The following EEF1G variants were observed in gnomAD, a reference collection of about 807,000 sequenced individuals.
EEF1G encodes the protein eukaryotic translation elongation factor 1 gamma.
A neutral mutation model predicts 58.3 loss-of-function variants in EEF1G; 14 were observed. That is an observed-to-expected ratio of 0.24 (90% CI 0.16 to 0.38). The LOEUF is 0.38. Among genes scored for constraint, EEF1G ranks in the 10% least tolerant of loss-of-function variants. The pLI is 1.00. For synonymous variants in EEF1G, 180 were observed against 206.8 expected (o/e 0.87, Z 1.11); for missense variants, 322 against 550.1 (o/e 0.59, Z 4.15).
intron 5 of EEF1G, among the ~76,000 whole-genome samples, chr11:62,568,357 C>G (rs1179433492): frequency 7.0e-6 from 1 of 143,334 alleles, no homozygotes; most frequent in Non-Finnish European, 1.5e-5. Flanking sequence ...CACTGCACTC[C>G]AGCTTGGGTG....
chr11:62,566,273 C>A (rs901117690), intron 7 of EEF1G, among the ~76,000 whole-genome samples: 1 of 152,134 alleles, frequency 6.6e-6, no homozygotes. Flanking sequence ...GGACTTTACT[C>A]GGTTGTGGAA....
chr11:62,567,610 T>C, intron 5 of EEF1G, 82 bp from the exon 6 acceptor site: 1 of 1,382,038 alleles, frequency 7.2e-7, no homozygotes, highest in Non-Finnish European at 9.6e-7. Flanking sequence ...TTGCTCTACC[T>C]AAGTCCCAGT....
intron 5 of EEF1G, among the ~76,000 whole-genome samples, chr11:62,568,598 A>G (rs921726496): frequency 4.0e-5 from 6 of 151,800 alleles, no homozygotes; most frequent in Non-Finnish European, 7.4e-5. Flanking sequence ...GCTTGGGTCC[A>G]TCCTCCATTT....
In EEF1G at chr11:62,562,280, G is replaced by A. The variant is rs151227831; in HGVS notation, c.858-1826C>T. Among the ~76,000 whole-genome samples, 21 of 152,246 alleles carry A rather than the reference G, an allele frequency of 1.4e-4. 1 individual carries two copies. The East Asian group carries it at 2.7e-3, about 20-fold the overall frequency. On this transcript the variant is annotated intron_variant, in intron 7 of 9. Transcript: ENST00000329251. ...TTAGTCAAGCCCCTTCCTCAGGGCC[G>A]AGAGATTTTTGAGCGTTAGCCGTCT...
At position 62,572,672 on chromosome 11, in the gene EEF1G, T is replaced by A; in HGVS notation, c.83A>T (p.Gln28Leu). 1 of 1,613,238 alleles carries A rather than the reference T, an allele frequency of 6.2e-7. No homozygotes were observed. Among genetic ancestry groups the A allele is most frequent in the Non-Finnish European group, 8.5e-7 (1 of 1,179,886 alleles). The change falls in exon 2 of 10, where the codon CAG (glutamine) becomes CTG (leucine). Residue 28 changes from glutamine (Q) to leucine (L), a missense_variant. This residue lies in a region of EEF1G where 62 missense variants were observed against 87.0 expected (regional missense o/e 0.71). Transcript: ENST00000329251. Reference protein sequence around the residue: ...ALIAAQYSGAQVRVLSAPPHF... With the variant: ...ALIAAQYSGALVRVLSAPPHF... ...GGGTGGTGCGGAGAGCACGCGGACCTGAGCCCCGCTGTACTGAGCAGCGAT... is the reference window on the plus strand; with the variant it reads ...GGGTGGTGCGGAGAGCACGCGGACCAGAGCCCCGCTGTACTGAGCAGCGAT...
chr11:62,566,733 TGTGAGGGGGGACATACAGAG>T, intron 7 of EEF1G, 53 bp downstream of exon 7: 5 of 1,397,182 alleles, frequency 3.6e-6, no homozygotes, highest in Non-Finnish European at 4.0e-6. Flanking sequence ...TCTAGCTGTG[TGTGAGGGGGGACATACAGAG>T]GTGAGAACAG....
chr11:62,571,122 A>G lies in EEF1G; in HGVS notation c.379-14T>C, dbSNP rs1437522632. ...ATTCTCAGTGGCCTAGTGATTCAAC[A>G]TGATAAAACTCATCAGTGGGTACCA... On this transcript the variant is annotated splice_polypyrimidine_tract_variant and intron_variant, in intron 4 of 9. Transcript: ENST00000329251. The G allele has an allele frequency of 5.0e-6, 8 of 1,613,790 alleles. No individual in the cohort carries two copies. The highest frequency in any genetic ancestry group is 1.1e-5 in the South Asian group (1 of 91,072).
chr11:62,569,274 A>G (rs1446104201), intron 5 of EEF1G, among the ~76,000 whole-genome samples: 2 of 152,208 alleles, frequency 1.3e-5, no homozygotes, highest in African/African-American at 2.4e-5. Flanking sequence ...CAGGAGATCA[A>G]GACCAGTCTG....
chr11:62,571,829 G>A lies in EEF1G; in HGVS notation c.235+9C>T. 1 of 1,585,624 alleles carries A rather than the reference G, an allele frequency of 6.3e-7. No individual in the cohort carries two copies. Among genetic ancestry groups the A allele is most frequent in the Non-Finnish European group, 8.6e-7 (1 of 1,165,792 alleles). On this transcript the variant is annotated intron_variant, in intron 3 of 9. Transcript: ENST00000329251. ...AATTCTCCCATTCCCATATACCCCT[G>A]CAAATTACCATAGTAGGCAATGGCG...
At position 62,559,724 on chromosome 11, in the gene EEF1G, G is replaced by A. The variant is rs1479356733; in HGVS notation, c.1269C>T (p.Phe423=). ...VREYFSWEGA[F]QHVGKAFNQG... is the part of the protein sequence containing the mutation. The stretch of plus-strand genomic sequence containing the variant: ...GATTGAAGGCTTTGCCCACATGCTG[G>A]AAGGCCCCCTCCCAGGAAAAGTACT... The change falls in exon 10 of 10, where the codon TTC becomes TTT. Residue 423 remains phenylalanine, a synonymous_variant. Transcript: ENST00000329251. 3.1e-6 allele frequency: 5 copies of A among 1,613,880 alleles called. No individual in the cohort carries two copies. Among genetic ancestry groups the A allele is most frequent in the Non-Finnish European group, 4.2e-6 (5 of 1,179,898 alleles).
At chr11:62,571,449 CT>C (rs1381542106) in intron 4 of EEF1G, 90 bp downstream of exon 4, 50 of 1,473,264 alleles carry the variant, frequency 3.4e-5, no homozygotes, top group Non-Finnish European at 4.4e-5. Context: ...TCCTTGGCAT[CT>C]TTTTTTCAAC....
intron 5 of EEF1G, 33 bp downstream of exon 5, chr11:62,570,932 C>T (rs1277386476): frequency 1.2e-6 from 2 of 1,613,258 alleles, no homozygotes; most frequent in Non-Finnish European, 1.7e-6. Context: ...TCCCCATCTA[C>T]CCACTGCCAA....
intron 6 of EEF1G, 194 bp from the exon 7 acceptor site, chr11:62,567,204 G>A (rs376725766): frequency 3.8e-5 from 35 of 923,646 alleles, no homozygotes; most frequent in South Asian, 2.3e-4. Flanking sequence ...ACTTTATATC[G>A]CAAATCTATA....
At chr11:62,568,126 G>T (rs1409860727) in intron 5 of EEF1G, among the ~76,000 whole-genome samples, 4 of 151,658 alleles carry the variant, frequency 2.6e-5, no homozygotes, top group African/African-American at 9.7e-5. Context: ...TACTCGGGAC[G>T]CTAAGGCAGG....
chr11:62,571,499 C>T, intron 4 of EEF1G, 41 bp downstream of exon 4: 5 of 1,563,124 alleles, frequency 3.2e-6, no homozygotes, highest in Non-Finnish European at 4.3e-6. Context: ...GGAGCTGATG[C>T]CACCCCTGCC....
At chr11:62,565,869 T>A (rs772040639) in intron 7 of EEF1G, among the ~76,000 whole-genome samples, 1 of 152,196 alleles carries the variant, frequency 6.6e-6, no homozygotes, top group East Asian at 1.9e-4. Context: ...ACAGCTACTG[T>A]GTCCCTACCA....
At position 62,561,527 on chromosome 11, in the gene EEF1G, A is replaced by T. The variant is rs1368671329; in HGVS notation, c.858-1073T>A. On this transcript the variant is annotated intron_variant, in intron 7 of 9. Coordinates refer to ENST00000329251, the MANE Select transcript of EEF1G (RefSeq NM_001404.5). ...ATCTCTACTAAAAAAAAAAAAAAAA[A>T]AAATTGGTGGCACACGCCTGTAGTC... 5.9e-3 allele frequency among the ~76,000 whole-genome samples: 890 copies of T among 150,774 alleles called. 10 individuals carry two copies. The highest frequency in any genetic ancestry group is 0.02 in the African/African-American group (807 of 41,100).
At chr11:62,568,105 G>C (rs1405564411) in intron 5 of EEF1G, among the ~76,000 whole-genome samples, 1 of 151,366 alleles carries the variant, frequency 6.6e-6, no homozygotes, top group African/African-American at 2.4e-5. Flanking sequence ...GCGGGCAGCT[G>C]TAGTCCCAGC....
At chr11:62,568,145 G>A (rs1255938607) in intron 5 of EEF1G, among the ~76,000 whole-genome samples, 4 of 151,262 alleles carry the variant, frequency 2.6e-5, no homozygotes, top group Non-Finnish European at 4.4e-5. Flanking sequence ...GGAGAATGGC[G>A]TGAACCCGGG....
Sources: allele counts gnomAD v4.1 joint callset (sites outside exome capture counted in the v4.1 genomes callset), GRCh38; gene constraint gnomAD v4.1.1; regional missense constraint gnomAD v4.1.1; transcripts MANE v1.5; gene names NCBI Gene and HGNC (gene_info 2026-07-23, HGNC 2026-07-21).